Variants in FLT3 observed in about 807,000 individuals in gnomAD.
FLT3 encodes fms related receptor tyrosine kinase 3.
Under a neutral mutation model 126.6 loss-of-function variants are expected in FLT3, and 46 were observed. That is an observed-to-expected ratio of 0.36 (90% CI 0.29 to 0.46). The LOEUF (loss-of-function observed/expected upper bound fraction) is 0.46, where lower values mean the gene tolerates loss of function less well. FLT3 is among the 20% of genes least tolerant of loss of function. FLT3 has a pLI of 1.00. For synonymous variants in FLT3, 404 were observed against 434.4 expected, an observed-to-expected ratio of 0.93 and a Z score of 0.87; for missense variants, 1,069 against 1,190.3, an observed-to-expected ratio of 0.90 and a Z score of 1.50.
In FLT3 at chr13:28,018,119, A is replaced by C. The variant is rs551868264; in HGVS notation, c.2541+348T>G. ...TGACTATTAGCTTTTCACATAATTGAAAACATAACTCAATCATCACTTTAT... is the reference window on the plus strand; with the variant it reads ...TGACTATTAGCTTTTCACATAATTGCAAACATAACTCAATCATCACTTTAT... On this transcript the variant is annotated intron_variant, in intron 20 of 23. Transcript: ENST00000241453. 2.0e-5 allele frequency among the ~76,000 whole-genome samples: 3 copies of C among 152,340 alleles called. No homozygotes were observed. In the South Asian group the frequency reaches 6.2e-4, roughly 32 times the overall value.
rs192804940 is a variant in FLT3, at chr13:28,032,520, G to A, written c.1942+1367C>T. 2.4e-3 allele frequency among the ~76,000 whole-genome samples: 373 copies of A among 152,342 alleles called. 1 individual carries two copies. Among genetic ancestry groups the A allele is most frequent in the African/African-American group, 8.6e-3 (358 of 41,572 alleles). On this transcript the variant is annotated intron_variant, in intron 15 of 23. Transcript: ENST00000241453. Reference sequence around the variant, plus strand: ...CCCTACTCAGGGGCCTGAAGTGGGAGGATGGCTTGAGCCTGGGAAGTGGAG... The same window carrying A: ...CCCTACTCAGGGGCCTGAAGTGGGAAGATGGCTTGAGCCTGGGAAGTGGAG...
At chr13:28,038,062 C>G (rs1177485168) in intron 9 of FLT3, among the ~76,000 whole-genome samples, 1 of 152,178 alleles carries the variant, frequency 6.6e-6, no homozygotes, top group Non-Finnish European at 1.5e-5. Context: ...AATGACAGTC[C>G]AAGGCAGGAC....
At chr13:28,020,671 TCTGCTTGTCTCTGTCTC>T (rs1446156415) in intron 19 of FLT3, among the ~76,000 whole-genome samples, 7 of 152,130 alleles carry the variant, frequency 4.6e-5, no homozygotes, top group Admixed American at 4.6e-4. Flanking sequence ...GACTTGCATG[TCTGCTTGTCTCTGTCTC>T]CCCTATCATT....
At chr13:28,014,145 T>G (rs1219720572) in intron 23 of FLT3, among the ~76,000 whole-genome samples, 1 of 151,976 alleles carries the variant, frequency 6.6e-6, no homozygotes, top group East Asian at 1.9e-4. Flanking sequence ...GGTGCTGCCC[T>G]CCCATGGTCC....
chr13:28,040,803 C>T (rs1874298882), intron 9 of FLT3, among the ~76,000 whole-genome samples: 1 of 151,332 alleles, frequency 6.6e-6, no homozygotes, highest in African/African-American at 2.4e-5. Flanking sequence ...TTGAGATCGG[C>T]CTGGGCAACA....
rs889470625 is a variant in FLT3, at chr13:28,037,403, T to C, written c.1206-115A>G. 8.7e-6 allele frequency: 6 copies of C among 687,656 alleles called. No homozygotes were observed. The African/African-American group carries it at 8.9e-5, about 10-fold the overall frequency. The allele number at this position is 687,656 out of a possible 1,614,324, so 42.6% of individuals were successfully genotyped here. A position where few individuals can be genotyped will look rare whatever the true frequency, so the allele number is the denominator to read the frequency against. On this transcript the variant is annotated intron_variant, in intron 9 of 23. Coordinates refer to ENST00000241453, the MANE Select transcript of FLT3 (RefSeq NM_004119.3). ...TGAAATGCTCCTCACTTGCTAAAGT[T>C]CACTGGAAAAGGAAATGTCCATATT...
intron 1 of FLT3, among the ~76,000 whole-genome samples, chr13:28,073,015 A>AAAAAC (rs1555261265): frequency 9.3e-5 from 14 of 149,982 alleles, no homozygotes; most frequent in African/African-American, 3.4e-4. Flanking sequence ...TAAAAAAAAA[A>AAAAAC]AACAACAACA....
intron 1 of FLT3, among the ~76,000 whole-genome samples, chr13:28,089,367 A>AGGG (rs1878881870): frequency 4.0e-4 from 61 of 152,278 alleles, no homozygotes; most frequent in African/African-American, 1.4e-3. Context: ...GTATTTACCC[A>AGGG]AAAGAAATGA....
intron 9 of FLT3, among the ~76,000 whole-genome samples, chr13:28,038,261 G>T (rs949191376): frequency 3.3e-5 from 5 of 151,846 alleles, no homozygotes; most frequent in African/African-American, 4.8e-5. Context: ...CAGGCCTGTG[G>T]GTTGCTGGAT....
intron 3 of FLT3, 24 bp downstream of exon 3, chr13:28,061,843 T>A: frequency 6.3e-7 from 1 of 1,578,454 alleles, no homozygotes; most frequent in African/African-American, 1.3e-5. Flanking sequence ...ACATTTTATG[T>A]CAAGAAGGTA....
At chr13:28,059,423 CA>C (rs1350961051) in intron 3 of FLT3, among the ~76,000 whole-genome samples, 1 of 152,122 alleles carries the variant, frequency 6.6e-6, no homozygotes, top group Non-Finnish European at 1.5e-5. Flanking sequence ...ACAAGGACAG[CA>C]GGGGGCAGCA....
chr13:28,006,815 C>T (rs1219381434), intron 23 of FLT3, among the ~76,000 whole-genome samples: 1 of 149,742 alleles, frequency 6.7e-6, no homozygotes, highest in African/African-American at 2.5e-5. Flanking sequence ...GGCATGATCT[C>T]AGCTCACAGC....
intron 5 of FLT3, among the ~76,000 whole-genome samples, chr13:28,051,506 G>A (rs149045314): frequency 9.7e-4 from 145 of 149,922 alleles, no homozygotes; most frequent in African/African-American, 3.2e-3. Context: ...CAAATTGCTG[G>A]GATTACAGGT....
At chr13:28,065,736 G>A (rs1187556541) in intron 2 of FLT3, among the ~76,000 whole-genome samples, 1 of 150,674 alleles carries the variant, frequency 6.6e-6, no homozygotes, top group African/African-American at 2.5e-5. Context: ...GCTGAGGCAG[G>A]AGGATTGCTT....
intron 12 of FLT3, among the ~76,000 whole-genome samples, chr13:28,035,071 A>T (rs1873709365): frequency 6.6e-6 from 1 of 152,182 alleles, no homozygotes; most frequent in Non-Finnish European, 1.5e-5. Context: ...GGTGATCCTA[A>T]CTACTAGGGT....
chr13:28,026,352 G>GAAAAAA (rs5802460), intron 17 of FLT3, among the ~76,000 whole-genome samples: 2 of 78,938 alleles, frequency 2.5e-5, no homozygotes, highest in African/African-American at 9.6e-5. Context: ...AACTCTGTCT[G>GAAAAAA]AAAAAAAAAA....
intron 9 of FLT3, among the ~76,000 whole-genome samples, chr13:28,047,849 A>G (rs1420587495): frequency 6.6e-6 from 1 of 152,202 alleles, no homozygotes; most frequent in Non-Finnish European, 1.5e-5. Context: ...CTATTTCTGC[A>G]TGTATTTTTT....
At chr13:28,035,354 T>C (rs1268894133) in intron 12 of FLT3, 141 bp downstream of exon 12, 1 of 735,150 alleles carries the variant, frequency 1.4e-6, no homozygotes, top group East Asian at 2.7e-5. Flanking sequence ...CTCTGGGGAT[T>C]CTTGCCTGAC....
chr13:28,083,481 A>G (rs1878461518), intron 1 of FLT3, among the ~76,000 whole-genome samples: 1 of 152,180 alleles, frequency 6.6e-6, no homozygotes, highest in Non-Finnish European at 1.5e-5. Context: ...TGGTTTTGGT[A>G]TTAGAGTAAT....
Sources: allele counts gnomAD v4.1 joint callset (sites outside exome capture counted in the v4.1 genomes callset), GRCh38; gene constraint gnomAD v4.1.1; transcripts MANE v1.5; gene names NCBI Gene and HGNC (gene_info 2026-07-23, HGNC 2026-07-21).